Variants in MAP4K3 observed in about 807,000 individuals in gnomAD.
MAP4K3 encodes the protein MAPK/ERK kinase kinase kinase 3.
MAP4K3 carries 94 observed loss-of-function variants against 143.5 expected under a neutral mutation model. The ratio of observed to expected loss-of-function variants is 0.65; its 90% CI spans 0.55 to 0.78. The LOEUF is 0.78. Ranked by LOEUF, MAP4K3 falls within the 30% of genes least tolerant of loss-of-function variation. The probability of loss-of-function intolerance (pLI) is 0.00; values close to 1 mark genes in which losing one functional copy is unlikely to be tolerated. For synonymous variants in MAP4K3, 416 were observed against 347.2 expected (o/e 1.20, Z -2.20); for missense variants, 1,077 against 1,068.1 (o/e 1.01, Z -0.12).
At chr2:39,428,785 A>C (rs536495393) in intron 1 of MAP4K3, among the ~76,000 whole-genome samples, 1 of 148,428 alleles carries the variant, frequency 6.7e-6, no homozygotes, top group East Asian at 2.1e-4. Flanking sequence ...AAAGGAGTCC[A>C]TGGGCCGGGT....
chr2:39,250,523 G>T lies in MAP4K3; in HGVS notation c.*95C>A. 8.6e-7 allele frequency: 1 copy of T among 1,165,886 alleles called. No individual in the cohort carries two copies. Among genetic ancestry groups the T allele is most frequent in the Non-Finnish European group, 1.2e-6 (1 of 813,188 alleles). 72.2% of individuals were successfully genotyped at this position (1,165,886 alleles called of 1,614,324 possible). ...ATAAATTACAAAGTAACTGAAGACAGGTTACTGCAGCTTTTGTACAGCTTC... is the reference window on the plus strand; with the variant it reads ...ATAAATTACAAAGTAACTGAAGACATGTTACTGCAGCTTTTGTACAGCTTC... On this transcript the variant is annotated 3_prime_UTR_variant, in exon 34 of 34. Transcript: ENST00000263881.
At chr2:39,422,193 A>G (rs1413707768) in intron 1 of MAP4K3, among the ~76,000 whole-genome samples, 1 of 152,056 alleles carries the variant, frequency 6.6e-6, no homozygotes. Context: ...AAACTCCTTG[A>G]AAAGAGACCA....
intron 29 of MAP4K3, among the ~76,000 whole-genome samples, chr2:39,259,716 A>G (rs921021202): frequency 2.0e-5 from 3 of 152,244 alleles, no homozygotes; most frequent in South Asian, 2.1e-4. Flanking sequence ...TATAAAATGA[A>G]AAGTATTATC....
At chr2:39,349,143 T>A (rs1252977590) in intron 3 of MAP4K3, among the ~76,000 whole-genome samples, 1 of 152,222 alleles carries the variant, frequency 6.6e-6, no homozygotes, top group Non-Finnish European at 1.5e-5. Context: ...AAGCAATGGC[T>A]ATTCCACTAT....
chr2:39,433,778 CAG>C (rs1163814719), intron 1 of MAP4K3, among the ~76,000 whole-genome samples: 1 of 152,006 alleles, frequency 6.6e-6, no homozygotes, highest in Non-Finnish European at 1.5e-5. Context: ...ATAAAGCCTG[CAG>C]AGTTACACGA....
At chr2:39,311,756 C>T (rs574741948) in intron 13 of MAP4K3, among the ~76,000 whole-genome samples, 3 of 152,328 alleles carry the variant, frequency 2.0e-5, no homozygotes, top group East Asian at 3.9e-4. Context: ...AGCTGATATC[C>T]TGTGTGCAAC....
chr2:39,299,838 G>C (rs770816659), intron 15 of MAP4K3, 37 bp from the exon 16 acceptor site: 1 of 1,054,518 alleles, frequency 9.5e-7, no homozygotes, highest in Non-Finnish European at 1.4e-6. Context: ...CACAATAGTA[G>C]TATATGACAC....
At chr2:39,333,375 G>A (rs1683743416) in intron 7 of MAP4K3, among the ~76,000 whole-genome samples, 157 bp downstream of exon 7, 1 of 152,062 alleles carries the variant, frequency 6.6e-6, no homozygotes, top group Non-Finnish European at 1.5e-5. Context: ...TAAGAGAAGT[G>A]GATGCAGAGA....
chr2:39,254,650 G>A, intron 31 of MAP4K3, 130 bp from the exon 32 acceptor site: 1 of 621,396 alleles, frequency 1.6e-6, no homozygotes, highest in East Asian at 2.6e-5. Flanking sequence ...ATATTTATAT[G>A]GCATCTTTAC....
At chr2:39,314,490 C>G (rs995745566) in intron 13 of MAP4K3, among the ~76,000 whole-genome samples, 4 of 152,128 alleles carry the variant, frequency 2.6e-5, no homozygotes, top group African/African-American at 9.7e-5. Flanking sequence ...TCAGCAGGAG[C>G]TTTAAAGATA....
chr2:39,333,448 A>C, intron 7 of MAP4K3, 84 bp downstream of exon 7: 3 of 1,059,898 alleles, frequency 2.8e-6, no homozygotes, highest in Non-Finnish European at 4.4e-6. Flanking sequence ...AGGAGAGGGA[A>C]AACCTGGTCC....
At chr2:39,397,655 C>T (rs1666844750) in intron 1 of MAP4K3, among the ~76,000 whole-genome samples, 1 of 152,028 alleles carries the variant, frequency 6.6e-6, no homozygotes, top group Non-Finnish European at 1.5e-5. Context: ...GCAGTAATTG[C>T]CAGGAAAACT....
At chr2:39,323,147 G>A (rs560923069) in intron 12 of MAP4K3, among the ~76,000 whole-genome samples, 1 of 152,268 alleles carries the variant, frequency 6.6e-6, no homozygotes, top group Non-Finnish European at 1.5e-5. Flanking sequence ...TACTGTGAGA[G>A]GGAATGTAAC....
intron 22 of MAP4K3, among the ~76,000 whole-genome samples, chr2:39,280,982 T>C (rs1004953492): frequency 1.3e-5 from 2 of 152,322 alleles, no homozygotes; most frequent in African/African-American, 4.8e-5. Flanking sequence ...AGATAATAAA[T>C]ATATCATAAT....
chr2:39,437,127 G>GCCA lies in MAP4K3; in HGVS notation c.-141_-140insTGG. On this transcript the variant is annotated 5_prime_UTR_variant, in exon 1 of 34. Coordinates refer to ENST00000263881, the MANE Select transcript of MAP4K3 (RefSeq NM_003618.4). ...CACCCGGCTCCACGCTGCGGCCGCC[G>GCCA]CCGCCGCCGCCGCTCCCCTCACGCC... The GCCA allele has an allele frequency of 2.1e-6, 1 of 478,662 alleles. No homozygotes were observed. Among genetic ancestry groups the GCCA allele is most frequent in the Non-Finnish European group, 3.5e-6 (1 of 284,490 alleles). 29.7% of individuals were successfully genotyped at this position (478,662 alleles called of 1,614,324 possible). A position where few individuals can be genotyped will look rare whatever the true frequency, so the allele number is the denominator to read the frequency against.
chr2:39,335,525 CAAT>C (rs1184738758), intron 6 of MAP4K3, among the ~76,000 whole-genome samples: 1 of 152,300 alleles, frequency 6.6e-6, no homozygotes, highest in Non-Finnish European at 1.5e-5. Context: ...CTCTTCTCTT[CAAT>C]AATATGGTAC....
At chr2:39,337,224 G>C (rs956187252) in intron 5 of MAP4K3, among the ~76,000 whole-genome samples, 2 of 152,060 alleles carry the variant, frequency 1.3e-5, no homozygotes, top group African/African-American at 2.4e-5. Context: ...ATTAGTATCA[G>C]AGTGTTTGAA....
chr2:39,375,042 CTT>C (rs1458976667), intron 2 of MAP4K3, among the ~76,000 whole-genome samples: 1 of 152,112 alleles, frequency 6.6e-6, no homozygotes, highest in Non-Finnish European at 1.5e-5. Context: ...TGAGAGGTCT[CTT>C]GAGACCAGGT....
intron 20 of MAP4K3, among the ~76,000 whole-genome samples, 154 bp from the exon 21 acceptor site, chr2:39,287,118 G>A (rs538024500): frequency 7.9e-5 from 12 of 152,196 alleles, no homozygotes; most frequent in African/African-American, 2.4e-4. Context: ...AAAGTAAGAC[G>A]TCATTTATAT....
Sources: gnomAD v4.1 joint callset for allele counts (sites outside exome capture counted in the v4.1 genomes callset) on GRCh38, gnomAD v4.1.1 for gene constraint, MANE v1.5 for transcripts, NCBI Gene and HGNC (gene_info 2026-07-23, HGNC 2026-07-21) for gene names.